Variants in TOX4 observed in about 807,000 individuals in gnomAD.
TOX4 encodes the protein epidermal Langerhans cell protein LCP1.
Under a neutral mutation model 61.0 loss-of-function variants are expected in TOX4, and 12 were observed. That is an observed-to-expected ratio of 0.20 (90% confidence interval 0.13 to 0.32). The LOEUF (loss-of-function observed/expected upper bound fraction) is 0.32. Ranked by LOEUF, TOX4 falls within the 10% of genes least tolerant of loss-of-function variation. TOX4 has a pLI of 1.00. For synonymous variants in TOX4, 268 were observed against 274.8 expected, an observed-to-expected ratio of 0.98 and a Z score of 0.24; for missense variants, 499 against 753.3, an observed-to-expected ratio of 0.66 and a Z score of 3.95.
In TOX4 at chr14:21,477,210, G is replaced by A. The variant is rs954709823; in HGVS notation, c.-69G>A. 6.2e-7 allele frequency: 1 copy of A among 1,613,196 alleles called. No individual in the cohort carries two copies. The highest frequency in any genetic ancestry group is 8.5e-7 in the Non-Finnish European group (1 of 1,179,158). ...AACACACGTCCTTGCGGAAGTGACG[G>A]CAGTTCCGAGTCCAGTGGGGGCGGT... is the stretch of plus-strand genomic sequence containing the variant. On this transcript the variant is annotated 5_prime_UTR_variant, in exon 1 of 9. Coordinates refer to ENST00000448790, the MANE Select transcript of TOX4 (RefSeq NM_014828.4).
At position 21,492,587 on chromosome 14, in the gene TOX4, C is replaced by G; in HGVS notation, c.971C>G (p.Pro324Arg). Reference sequence around the variant, plus strand: ...CCACCTCCTATGGCTACTGTTGACCCAGCATCTCCAGCACCAGCTTCAATA... The same window carrying G: ...CCACCTCCTATGGCTACTGTTGACCGAGCATCTCCAGCACCAGCTTCAATA... The part of the protein sequence containing the change: ...PSPPPMATVD[P>R]ASPAPASIEP... The change falls in exon 7 of 9, where the codon CCA (proline) becomes CGA (arginine). Residue 324 changes from proline (P) to arginine (R), a missense_variant. By Grantham distance (103) the Pro-to-Arg change is moderately radical. Coordinates refer to ENST00000448790, the MANE Select transcript of TOX4 (RefSeq NM_014828.4). 6.2e-7 allele frequency: 1 copy of G among 1,613,838 alleles called. No homozygotes were observed. Among genetic ancestry groups the G allele is most frequent in the Non-Finnish European group, 8.5e-7 (1 of 1,180,012 alleles).
At position 21,488,573 on chromosome 14, in the gene TOX4, C is replaced by T; in HGVS notation, c.319-17C>T. 6.2e-7 allele frequency: 1 copy of T among 1,605,706 alleles called. No homozygotes were observed. Among genetic ancestry groups the T allele is most frequent in the Non-Finnish European group, 8.5e-7 (1 of 1,173,226 alleles). ...TTTTTATATTTAGTGTTTAATTAGT[C>T]CTTCTGCTTCTCTCAGGACTTGGAC... On this transcript the variant is annotated splice_polypyrimidine_tract_variant and intron_variant, in intron 3 of 8. Coordinates refer to ENST00000448790, the MANE Select transcript of TOX4 (RefSeq NM_014828.4).
In TOX4 at chr14:21,488,764, C is replaced by T. The variant is rs770616471; in HGVS notation, c.493C>T (p.Pro165Ser). The change falls in exon 4 of 9, where the codon CCT (proline) becomes TCT (serine). Residue 165 changes from proline (P) to serine (S), a missense_variant. Pro to Ser is a moderately conservative substitution (Grantham distance 74, BLOSUM62 -1). Transcript: ENST00000448790. Reference protein sequence around the residue: ...LSLGGGTILPPAQSPEDRLST... With the variant: ...LSLGGGTILPSAQSPEDRLST... ...CCTAGGGGGTGGCACCATCCTGCCA[C>T]CTGCCCAGTCACCTGAAGATCGTCT... 14 of 1,614,096 alleles carry T rather than the reference C, an allele frequency of 8.7e-6. No homozygotes were observed. The South Asian group carries it at 1.5e-4, about 18-fold the overall frequency.
intron 2 of TOX4, among the ~76,000 whole-genome samples, chr14:21,483,154 G>T (rs1891136102): frequency 6.6e-6 from 1 of 152,170 alleles, no homozygotes; most frequent in Admixed American, 6.5e-5. Context: ...GTCACTTGTG[G>T]AACACTGGTC....
At chr14:21,484,157 C>T (rs143880698) in intron 2 of TOX4, among the ~76,000 whole-genome samples, 60 of 152,118 alleles carry the variant, frequency 3.9e-4, no homozygotes, top group African/African-American at 8.0e-4. Flanking sequence ...TCTCAGACAA[C>T]GACCAGATTT....
In TOX4 at chr14:21,499,121, T is replaced by C. The variant is rs1891489281; in HGVS notation, c.*2515T>C. 1 of 1,614,062 alleles carries C rather than the reference T, an allele frequency of 6.2e-7. No individual in the cohort carries two copies. Among genetic ancestry groups the C allele is most frequent in the Non-Finnish European group, 8.5e-7 (1 of 1,179,906 alleles). On this transcript the variant is annotated 3_prime_UTR_variant, in exon 9 of 9. Transcript: ENST00000448790. Reference sequence around the variant, plus strand: ...CATGCCATAGATTTCATCTGGTTTATGACTGGTGGAACGAACCTAGGAAAT... The same window carrying C: ...CATGCCATAGATTTCATCTGGTTTACGACTGGTGGAACGAACCTAGGAAAT...
chr14:21,497,353 A>T lies in TOX4; in HGVS notation c.*747A>T, dbSNP rs1189558859. 1 of 152,168 alleles carries T rather than the reference A, an allele frequency of 6.6e-6. No homozygotes were observed. The highest frequency in any genetic ancestry group is 6.5e-5 in the Admixed American group (1 of 15,278). 9.4% of individuals were successfully genotyped at this position (152,168 alleles called of 1,614,324 possible). On this transcript the variant is annotated 3_prime_UTR_variant, in exon 9 of 9. Transcript: ENST00000448790. The stretch of plus-strand genomic sequence containing the variant: ...CAGACTAGAGAAGCCACCTGGTTGT[A>T]ACAGAATAAGCAGAAGTTTACAGCA...
At chr14:21,491,915 G>A (rs1451141225) in intron 5 of TOX4, among the ~76,000 whole-genome samples, 3 of 151,902 alleles carry the variant, frequency 2.0e-5, no homozygotes, top group Admixed American at 6.5e-5. Context: ...GGAGGCTGAA[G>A]CAGGAGAATG....
At chr14:21,490,992 A>G (rs1891279389) in intron 5 of TOX4, among the ~76,000 whole-genome samples, 1 of 152,166 alleles carries the variant, frequency 6.6e-6, no homozygotes, top group African/African-American at 2.4e-5. Flanking sequence ...CACCCAGCTA[A>G]TGTTGTATTT....
Position 21,492,885 on chromosome 14 carries a change from G to T in TOX4, c.1269G>T (p.Val423=), listed in dbSNP as rs1891322203. 2.5e-6 allele frequency: 4 copies of T among 1,607,364 alleles called. No homozygotes were observed. Among genetic ancestry groups the T allele is most frequent in the Non-Finnish European group, 3.4e-6 (4 of 1,178,306 alleles). The part of the protein sequence containing the change: ...SQQAQIVTRS[V]LQAAAAAAAA... Reference sequence around the variant, plus strand: ...AAGCCCAGATTGTCACTCGGTCAGTGTTGCAGGCAGCAGCAGCTGCTGCTG... The same window carrying T: ...AAGCCCAGATTGTCACTCGGTCAGTTTTGCAGGCAGCAGCAGCTGCTGCTG... The change falls in exon 7 of 9, where the codon GTG becomes GTT. Residue 423 remains valine, a synonymous_variant. Coordinates refer to ENST00000448790, the MANE Select transcript of TOX4 (RefSeq NM_014828.4).
chr14:21,498,966 C>G lies in TOX4; in HGVS notation c.*2360C>G. ...AAACAATGTGAAGCTCTACTAAGTTCTGTCCTTAATCATAAATAATAGCCC... is the reference window on the plus strand; with the variant it reads ...AAACAATGTGAAGCTCTACTAAGTTGTGTCCTTAATCATAAATAATAGCCC... On this transcript the variant is annotated 3_prime_UTR_variant, in exon 9 of 9. Transcript: ENST00000448790. 1 of 1,191,450 alleles carries G rather than the reference C, an allele frequency of 8.4e-7. No homozygotes were observed. Among genetic ancestry groups the G allele is most frequent in the Non-Finnish European group, 1.3e-6 (1 of 796,926 alleles). The allele number at this position is 1,191,450 out of a possible 1,614,324, so 73.8% of individuals were successfully genotyped here.
At chr14:21,479,866 C>T (rs1444602934) in intron 2 of TOX4, among the ~76,000 whole-genome samples, 1 of 152,164 alleles carries the variant, frequency 6.6e-6, no homozygotes, top group African/African-American at 2.4e-5. Context: ...TGGCCTCGTT[C>T]ATGAGAAAGT....
chr14:21,494,565 G>A (rs187880576), intron 7 of TOX4, among the ~76,000 whole-genome samples: 1,959 of 152,192 alleles, frequency 0.013, 23 homozygotes, highest in Middle Eastern at 0.031. Flanking sequence ...GGCTAACACG[G>A]TGAAAACCCG....
Position 21,487,576 on chromosome 14 carries a change from T to C in TOX4, c.201T>C (p.Ser67=), listed in dbSNP as rs1197056292. 1.2e-6 allele frequency: 2 copies of C among 1,614,214 alleles called. No individual in the cohort carries two copies. Among genetic ancestry groups the C allele is most frequent in the Non-Finnish European group, 1.7e-6 (2 of 1,180,038 alleles). ...GHFDDLADPS[S]SQDGSFSAQY... The stretch of plus-strand genomic sequence containing the variant: ...TTGATGACCTGGCAGACCCTTCCTC[T>C]TCACAGGATGGCAGTTTTTCAGCCC... Residue 67 remains serine, a synonymous_variant, in exon 3 of 9, where the codon TCT becomes TCC. Transcript: ENST00000448790.
chr14:21,489,035 C>A, intron 4 of TOX4, 138 bp from the exon 5 acceptor site: 1 of 1,221,674 alleles, frequency 8.2e-7, no homozygotes. Context: ...CTTATTGGTT[C>A]TCCATATTTG....
At chr14:21,486,471 C>CCTGG (rs1891191505) in intron 2 of TOX4, among the ~76,000 whole-genome samples, 2 of 38,342 alleles carry the variant, frequency 5.2e-5, no homozygotes, top group African/African-American at 1.0e-4. Flanking sequence ...CACTTATCCT[C>CCTGG]ATAATAACCA....
At chr14:21,494,672 C>T (rs1224596347) in intron 7 of TOX4, among the ~76,000 whole-genome samples, 1 of 151,644 alleles carries the variant, frequency 6.6e-6, no homozygotes, top group Non-Finnish European at 1.5e-5. Flanking sequence ...ATGGCGGGAA[C>T]CCAGGAGGCA....
At chr14:21,486,844 T>C (rs768729283) in intron 2 of TOX4, among the ~76,000 whole-genome samples, 5 of 152,258 alleles carry the variant, frequency 3.3e-5, no homozygotes, top group Non-Finnish European at 5.9e-5. Context: ...TGAGGTTTTC[T>C]GAAAATCCTA....
rs190482391 is a variant in TOX4, at chr14:21,485,183, A to G, written c.76-2268A>G. Reference sequence around the variant, plus strand: ...GTGATCTCAGCACTTTGGGAGGCCAAGGAGGGCGGATCACCTGAGGTCGGG... The same window carrying G: ...GTGATCTCAGCACTTTGGGAGGCCAGGGAGGGCGGATCACCTGAGGTCGGG... On this transcript the variant is annotated intron_variant, in intron 2 of 8. Coordinates refer to ENST00000448790, the MANE Select transcript of TOX4 (RefSeq NM_014828.4). Among the ~76,000 whole-genome samples, 216 of 105,120 alleles carry G rather than the reference A, an allele frequency of 2.1e-3. 60 individuals carry two copies. Among genetic ancestry groups the G allele is most frequent in the African/African-American group, 7.4e-3 (206 of 27,972 alleles). 69.0% of individuals were successfully genotyped at this position (105,120 alleles called of 152,430 possible).
Sources: allele counts gnomAD v4.1 joint callset (sites outside exome capture counted in the v4.1 genomes callset), GRCh38; gene constraint gnomAD v4.1.1; transcripts MANE v1.5; gene names NCBI Gene and HGNC (gene_info 2026-07-23, HGNC 2026-07-21).